Variants in TTC33 observed in about 807,000 individuals in gnomAD.
TTC33 encodes the protein tetratricopeptide repeat protein 33.
A neutral mutation model predicts 29.4 loss-of-function variants in TTC33; 24 were observed. The ratio of observed to expected loss-of-function variants is 0.82; its 90% CI spans 0.59 to 1.15. TTC33 has a LOEUF of 1.15. TTC33 is among the 50% of genes most tolerant of loss of function. The probability of loss-of-function intolerance (pLI) is 0.00; values close to 1 mark genes in which losing one functional copy is unlikely to be tolerated. For missense variants in TTC33, 286 were observed against 310.4 expected (o/e 0.92, Z 0.59); for synonymous variants, 107 against 100.3 (o/e 1.07, Z -0.40).
intron 2 of TTC33, among the ~76,000 whole-genome samples, chr5:40,737,155 G>A (rs1379350646): frequency 6.6e-6 from 1 of 152,108 alleles, no homozygotes; most frequent in Non-Finnish European, 1.5e-5. Flanking sequence ...AAATCAGCCA[G>A]GCATGGTGGC....
chr5:40,737,149 C>T (rs1030642776), intron 2 of TTC33, among the ~76,000 whole-genome samples: 1 of 151,988 alleles, frequency 6.6e-6, no homozygotes, highest in African/African-American at 2.4e-5. Context: ...TACAAAAAAT[C>T]AGCCAGGCAT....
intron 4 of TTC33, among the ~76,000 whole-genome samples, chr5:40,727,677 A>AT (rs1742318698): frequency 6.6e-6 from 1 of 152,232 alleles, no homozygotes; most frequent in Admixed American, 6.5e-5. Context: ...CTCCACAGTG[A>AT]TACTAATACC....
intron 4 of TTC33, among the ~76,000 whole-genome samples, chr5:40,724,108 A>G (rs528108918): frequency 6.6e-6 from 1 of 152,354 alleles, no homozygotes; most frequent in Non-Finnish European, 1.5e-5. Flanking sequence ...ACGATAGCCA[A>G]TATGTAGAAA....
chr5:40,713,039 ACT>A lies in TTC33; in HGVS notation c.*3104_*3105del, dbSNP rs368760679. On this transcript the variant is annotated 3_prime_UTR_variant, in exon 5 of 5. Transcript: ENST00000337702. ...TCTTATTATTGGTAAGAAAAACTTA[ACT>A]TTCTCAGTCCTAAAATTCTTTATTA... 6.6e-6 allele frequency among the ~76,000 whole-genome samples: 1 copy of A among 152,118 alleles called. No homozygotes were observed. The highest frequency in any genetic ancestry group is 2.4e-5 in the African/African-American group (1 of 41,426).
At chr5:40,742,323 GTAA>G (rs528186897) in intron 2 of TTC33, among the ~76,000 whole-genome samples, 20 of 152,010 alleles carry the variant, frequency 1.3e-4, no homozygotes, top group Middle Eastern at 3.4e-3. Flanking sequence ...TACTATAATA[GTAA>G]TAATAATAAT....
intron 4 of TTC33, among the ~76,000 whole-genome samples, chr5:40,725,134 C>T (rs1486143880): frequency 1.3e-5 from 2 of 151,902 alleles, no homozygotes; most frequent in Admixed American, 6.6e-5. Context: ...AGGCATGAGC[C>T]ACCATGCCCA....
chr5:40,735,784 G>A (rs1742536463), intron 2 of TTC33, among the ~76,000 whole-genome samples: 1 of 152,220 alleles, frequency 6.6e-6, no homozygotes, highest in Non-Finnish European at 1.5e-5. Flanking sequence ...GTGGTCACCT[G>A]TGCTGAATGA....
rs1356347641 is a variant in TTC33, at chr5:40,714,253, T to G, written c.*1892A>C. On this transcript the variant is annotated 3_prime_UTR_variant, in exon 5 of 5. Coordinates refer to ENST00000337702, the MANE Select transcript of TTC33 (RefSeq NM_012382.3). ...AAGGAAAGGATTACAAAAAAAGTTCTCCTTTTTTAAAATCAGAGGAAATTG... is the reference window on the plus strand; with the variant it reads ...AAGGAAAGGATTACAAAAAAAGTTCGCCTTTTTTAAAATCAGAGGAAATTG... 6.6e-6 allele frequency among the ~76,000 whole-genome samples: 1 copy of G among 152,182 alleles called. No individual in the cohort carries two copies. The highest frequency in any genetic ancestry group is 2.4e-5 in the African/African-American group (1 of 41,452).
chr5:40,736,580 C>A (rs1206745980), intron 2 of TTC33, among the ~76,000 whole-genome samples: 1 of 151,982 alleles, frequency 6.6e-6, no homozygotes, highest in Non-Finnish European at 1.5e-5. Context: ...TAGAAAAAGC[C>A]ACTTGAACAA....
chr5:40,722,596 C>A (rs900277873), intron 4 of TTC33, among the ~76,000 whole-genome samples: 1 of 151,914 alleles, frequency 6.6e-6, no homozygotes, highest in African/African-American at 2.4e-5. Flanking sequence ...TGACCGGCCG[C>A]CCCGTCTGAG....
intron 2 of TTC33, among the ~76,000 whole-genome samples, chr5:40,741,746 T>C (rs1048308066): frequency 6.6e-6 from 1 of 152,160 alleles, no homozygotes; most frequent in Non-Finnish European, 1.5e-5. Flanking sequence ...TCCAGCACTC[T>C]GGGTGGCCAA....
At chr5:40,721,355 A>G (rs2111871830) in intron 4 of TTC33, among the ~76,000 whole-genome samples, 1 of 151,918 alleles carries the variant, frequency 6.6e-6, no homozygotes, top group East Asian at 1.9e-4. Context: ...ATTTCAAAAT[A>G]TATTACAAAG....
At chr5:40,728,110 C>CGT (rs987321804) in intron 4 of TTC33, among the ~76,000 whole-genome samples, 4 of 151,554 alleles carry the variant, frequency 2.6e-5, no homozygotes, top group African/African-American at 7.3e-5. Flanking sequence ...GGTGACACCC[C>CGT]GTCTCTACTA....
Position 40,711,783 on chromosome 5 carries a change from C to CA in TTC33, c.*4361dup, listed in dbSNP as rs202101821. 2.7e-5 allele frequency among the ~76,000 whole-genome samples: 4 copies of CA among 150,264 alleles called. No individual in the cohort carries two copies. The highest frequency in any genetic ancestry group is 2.0e-4 in the East Asian group (1 of 5,124). ...TGGGTTTCAAAAGCATCATGTTAAG[C>CA]AAAAAAAAAGTCAGACACAAAAAGA... On this transcript the variant is annotated 3_prime_UTR_variant, in exon 5 of 5. Coordinates refer to ENST00000337702, the MANE Select transcript of TTC33 (RefSeq NM_012382.3).
At chr5:40,728,552 T>C (rs930573304) in intron 3 of TTC33, 76 bp from the exon 4 acceptor site, 2 of 1,366,392 alleles carry the variant, frequency 1.5e-6, no homozygotes, top group Non-Finnish European at 2.0e-6. Flanking sequence ...CCCTTTTCAT[T>C]TTTTAAGATA....
chr5:40,726,173 ACG>A (rs1561145904), intron 4 of TTC33, among the ~76,000 whole-genome samples: 2 of 142,370 alleles, frequency 1.4e-5, no homozygotes, highest in South Asian at 2.2e-4. Context: ...ACACACACAC[ACG>A]TATATATATA....
At chr5:40,745,067 A>G (rs965364511) in intron 2 of TTC33, among the ~76,000 whole-genome samples, 1 of 152,198 alleles carries the variant, frequency 6.6e-6, no homozygotes, top group Non-Finnish European at 1.5e-5. Flanking sequence ...AATCAAATAG[A>G]AAATTGGTCT....
At chr5:40,726,174 C>T (rs534243851) in intron 4 of TTC33, among the ~76,000 whole-genome samples, 1 of 141,158 alleles carries the variant, frequency 7.1e-6, no homozygotes, top group Non-Finnish European at 1.5e-5. Flanking sequence ...CACACACACA[C>T]GTATATATAT....
intron 1 of TTC33, among the ~76,000 whole-genome samples, chr5:40,747,782 T>C (rs533525258): frequency 2.6e-5 from 4 of 152,226 alleles, no homozygotes; most frequent in Admixed American, 2.6e-4. Context: ...CAACATAACA[T>C]GTGGATCTTG....
Sources: gnomAD v4.1 joint callset for allele counts (sites outside exome capture counted in the v4.1 genomes callset) on GRCh38, gnomAD v4.1.1 for gene constraint, MANE v1.5 for transcripts, NCBI Gene and HGNC (gene_info 2026-07-23, HGNC 2026-07-21) for gene names.